RNFT2: variants seen among roughly 807,000 people sequenced by gnomAD.
RNFT2 encodes the protein ring finger protein, transmembrane 2.
RNFT2 carries 36 observed loss-of-function variants against 53.0 expected under a neutral mutation model. The ratio of observed to expected loss-of-function variants is 0.68; its 90% confidence interval spans 0.52 to 0.90. The LOEUF (loss-of-function observed/expected upper bound fraction) is 0.90. Among genes scored for constraint, RNFT2 ranks in the 40% least tolerant of loss-of-function variants. The pLI is 0.00. For missense variants in RNFT2, 514 were observed against 585.6 expected (o/e 0.88, Z 1.26); for synonymous variants, 260 against 253.2 (o/e 1.03, Z -0.26).
intron 7 of RNFT2, 53 bp downstream of exon 7, chr12:116,779,401 G>C: frequency 6.3e-7 from 1 of 1,597,288 alleles, no homozygotes; most frequent in Non-Finnish European, 8.6e-7. Flanking sequence ...ATCATGCAGA[G>C]GATTCAGGGT....
intron 7 of RNFT2, 131 bp downstream of exon 7, chr12:116,779,479 GCTCATAGCTCCTGTCACCCACCT>G (rs1230625194): frequency 2.1e-6 from 2 of 956,888 alleles, no homozygotes; most frequent in Non-Finnish European, 3.1e-6. Context: ...CAGAGCCTGA[GCTCATAGCTCCTGTCACCCACCT>G]CTTCTAATTC....
intron 7 of RNFT2, among the ~76,000 whole-genome samples, chr12:116,804,471 T>G (rs1352008629): frequency 2.0e-5 from 3 of 152,242 alleles, no homozygotes; most frequent in South Asian, 4.1e-4. Context: ...TTCAGCAATA[T>G]GTAATATTCT....
chr12:116,771,699 G>A (rs1392198233), intron 6 of RNFT2, among the ~76,000 whole-genome samples: 1 of 152,032 alleles, frequency 6.6e-6, no homozygotes, highest in Non-Finnish European at 1.5e-5. Flanking sequence ...CATGTCCCAT[G>A]ATGTGGGCAC....
At chr12:116,834,805 A>G (rs1014072007) in intron 8 of RNFT2, among the ~76,000 whole-genome samples, 4 of 151,244 alleles carry the variant, frequency 2.6e-5, no homozygotes, top group African/African-American at 4.9e-5. Flanking sequence ...ATTCTTTCCA[A>G]TAGTCATCTT....
At chr12:116,775,261 CAA>C (rs5801198) in intron 6 of RNFT2, among the ~76,000 whole-genome samples, 106 of 116,768 alleles carry the variant, frequency 9.1e-4, no homozygotes, top group African/African-American at 2.9e-3. Flanking sequence ...ACTCCCGTCT[CAA>C]AAAAAAAAAA....
chr12:116,779,855 G>A (rs889087001), intron 7 of RNFT2, among the ~76,000 whole-genome samples: 3 of 152,168 alleles, frequency 2.0e-5, no homozygotes, highest in Non-Finnish European at 4.4e-5. Flanking sequence ...ATAGAGAAAG[G>A]CCTCCAGGCA....
At chr12:116,787,768 T>C (rs1044690254) in intron 7 of RNFT2, among the ~76,000 whole-genome samples, 7 of 151,794 alleles carry the variant, frequency 4.6e-5, no homozygotes, top group African/African-American at 1.5e-4. Context: ...TGAAGAGTTA[T>C]CACCTAGAGA....
intron 7 of RNFT2, among the ~76,000 whole-genome samples, chr12:116,803,271 G>A (rs1289229912): frequency 6.6e-6 from 1 of 152,020 alleles, no homozygotes; most frequent in East Asian, 1.9e-4. Flanking sequence ...CCTGCCACGG[G>A]GGTGATGTTT....
intron 7 of RNFT2, among the ~76,000 whole-genome samples, chr12:116,825,706 A>G (rs1381688489): frequency 6.6e-6 from 1 of 152,182 alleles, no homozygotes; most frequent in Non-Finnish European, 1.5e-5. Flanking sequence ...TTTCCCCCAG[A>G]GACCTAGTTT....
intron 10 of RNFT2, among the ~76,000 whole-genome samples, chr12:116,845,272 T>G (rs548540603): frequency 5.4e-4 from 69 of 127,050 alleles, no homozygotes; most frequent in South Asian, 1.6e-3. Context: ...TATATATATA[T>G]ATAGAGAGAG....
At chr12:116,848,548 C>T (rs1335951972) in intron 10 of RNFT2, among the ~76,000 whole-genome samples, 1 of 152,072 alleles carries the variant, frequency 6.6e-6, no homozygotes, top group Non-Finnish European at 1.5e-5. Flanking sequence ...ACTTCTGTGA[C>T]CTCATCTCCC....
chr12:116,812,610 C>G (rs1282573181), intron 7 of RNFT2, among the ~76,000 whole-genome samples: 1 of 150,390 alleles, frequency 6.6e-6, no homozygotes, highest in East Asian at 2.0e-4. Context: ...TCTCAGCTCA[C>G]TGCAACCTCC....
intron 7 of RNFT2, among the ~76,000 whole-genome samples, chr12:116,822,320 G>A (rs563509107): frequency 9.9e-5 from 15 of 152,048 alleles, no homozygotes; most frequent in Non-Finnish European, 1.8e-4. Flanking sequence ...ATGGCCCCAG[G>A]AGAAACAGGG....
intron 7 of RNFT2, among the ~76,000 whole-genome samples, chr12:116,799,521 G>T (rs1013880024): frequency 9.2e-5 from 14 of 152,184 alleles, no homozygotes; most frequent in African/African-American, 9.7e-5. Context: ...ATCTCAGAGG[G>T]TTGTTGTGAA....
intron 7 of RNFT2, among the ~76,000 whole-genome samples, chr12:116,827,231 A>G (rs199818565): frequency 1.9e-3 from 277 of 147,556 alleles, no homozygotes; most frequent in East Asian, 0.017. Flanking sequence ...AAAAAAAAAA[A>G]AAAGAAAGAA....
chr12:116,806,765 T>G (rs887011894), intron 7 of RNFT2, among the ~76,000 whole-genome samples: 12 of 150,014 alleles, frequency 8.0e-5, no homozygotes, highest in Non-Finnish European at 1.6e-4. Flanking sequence ...AAAAAAAAGC[T>G]GTTGAATTTG....
intron 7 of RNFT2, among the ~76,000 whole-genome samples, chr12:116,828,620 TA>T (rs1209504576): frequency 1.3e-5 from 2 of 151,674 alleles, no homozygotes; most frequent in Non-Finnish European, 2.9e-5. Flanking sequence ...TGGTGCATAG[TA>T]GGTGTCCAGA....
intron 7 of RNFT2, among the ~76,000 whole-genome samples, chr12:116,820,479 T>C (rs1175352209): frequency 6.6e-6 from 1 of 152,248 alleles, no homozygotes; most frequent in Non-Finnish European, 1.5e-5. Flanking sequence ...CTGGATTGGC[T>C]GTGGTGGATA....
intron 7 of RNFT2, among the ~76,000 whole-genome samples, chr12:116,833,112 G>A (rs959789189): frequency 6.6e-6 from 1 of 151,824 alleles, no homozygotes; most frequent in African/African-American, 2.4e-5. Context: ...AGAGTTGGGG[G>A]TTCGCCATGT....
Sources: gnomAD v4.1 joint callset for allele counts (sites outside exome capture counted in the v4.1 genomes callset) on GRCh38, gnomAD v4.1.1 for gene constraint, MANE v1.5 for transcripts, NCBI Gene and HGNC (gene_info 2026-07-23, HGNC 2026-07-21) for gene names.